The following FBXO30 variants were observed in gnomAD, a reference collection of about 807,000 sequenced individuals.
FBXO30 encodes the protein F-box protein 30.
A neutral mutation model predicts 58.1 loss-of-function variants in FBXO30; 21 were observed. The observed-to-expected ratio is 0.36, with a 90% CI of 0.26 to 0.52. The LOEUF is 0.52. Ranked by LOEUF, FBXO30 falls within the 20% of genes least tolerant of loss-of-function variation. The pLI is 0.93. For missense variants in FBXO30, 744 were observed against 897.3 expected (o/e 0.83, Z 2.18); for synonymous variants, 309 against 312.4 (o/e 0.99, Z 0.11).
rs1384131950 is a variant in FBXO30 at position 145,805,873 on chromosome 6, G to T, written c.533C>A (p.Ser178Tyr). The T allele has an allele frequency of 6.2e-7, 1 of 1,613,982 alleles. No individual in the cohort carries two copies. The highest frequency in any genetic ancestry group is 2.2e-5 in the East Asian group (1 of 44,868). Residue 178 changes from serine (S) to tyrosine (Y), a missense_variant, in exon 2 of 3, where the codon TCT (serine) becomes TAT (tyrosine). Transcript: ENST00000237281. ...ANGLVSVDEE[S>Y]YGALYQATVE... is the part of the protein sequence containing the mutation. ...AGTAGCTTGATAAAGTGCACCATAAGATTCTTCATCAACAGACACTAAACC... is the reference window on the plus strand; with the variant it reads ...AGTAGCTTGATAAAGTGCACCATAATATTCTTCATCAACAGACACTAAACC...
intron 1 of FBXO30, chr6:145,809,954 A>G (rs1220374760): frequency 6.6e-6 from 1 of 152,216 alleles, no homozygotes; most frequent in Non-Finnish European, 1.5e-5. Context: ...TGGTGATCCA[A>G]TGTTAAGATG....
Position 145,797,426 on chromosome 6 carries a change from T to C in FBXO30, c.*2680A>G, listed in dbSNP as rs1777886116. On this transcript the variant is annotated 3_prime_UTR_variant, in exon 3 of 3. Coordinates refer to ENST00000237281, the MANE Select transcript of FBXO30 (RefSeq NM_032145.5). Reference sequence around the variant, plus strand: ...TCCACTCCAGTAATGCACCAGAGGGTAGCTGGCATGACCCAGTCTTCCCTC... The same window carrying C: ...TCCACTCCAGTAATGCACCAGAGGGCAGCTGGCATGACCCAGTCTTCCCTC... The C allele has an allele frequency of 1.3e-5, 2 of 151,960 alleles. No individual in the cohort carries two copies. The highest frequency in any genetic ancestry group is 4.1e-4 in the South Asian group (2 of 4,826). 9.4% of individuals were successfully genotyped at this position (151,960 alleles called of 1,614,324 possible). A position where few individuals can be genotyped will look rare whatever the true frequency, so the allele number is the denominator to read the frequency against.
At chr6:145,814,482 C>A (rs973130393) in intron 1 of FBXO30, 121 bp downstream of exon 1, 2 of 151,928 alleles carry the variant, frequency 1.3e-5, no homozygotes, top group African/African-American at 4.8e-5. Flanking sequence ...CCCGTCAACC[C>A]CACGGCCGCC....
Position 145,793,736 on chromosome 6 carries a change from C to T in FBXO30, c.*6370G>A, listed in dbSNP as rs1005177684. 2 of 151,908 alleles carry T rather than the reference C, an allele frequency of 1.3e-5. No homozygotes were observed. The highest frequency in any genetic ancestry group is 2.9e-5 in the Non-Finnish European group (2 of 67,870). The allele number at this position is 151,908 out of a possible 1,614,324, so 9.4% of individuals were successfully genotyped here. On this transcript the variant is annotated 3_prime_UTR_variant, in exon 3 of 3. Transcript: ENST00000237281. ...TTGACACAGAAGTCAATCACTCAGT[C>T]ACAGAAGTTTTAAATATAAGGAAAT...
chr6:145,796,625 GAAAC>G lies in FBXO30; in HGVS notation c.*3477_*3480del, dbSNP rs1277554964. Reference sequence around the variant, plus strand: ...ATCACCAATGTGGCATGTCATGCATGAAACAAACACATTTTAAAATATTTGAATA... The same window carrying G: ...ATCACCAATGTGGCATGTCATGCATGAAACACATTTTAAAATATTTGAATA... On this transcript the variant is annotated 3_prime_UTR_variant, in exon 3 of 3. Transcript: ENST00000237281. The G allele has an allele frequency of 2.6e-5, 4 of 152,108 alleles. No individual in the cohort carries two copies. The highest frequency in any genetic ancestry group is 1.3e-4 in the Admixed American group (2 of 15,238). The allele number at this position is 152,108 out of a possible 1,614,324, so 9.4% of individuals were successfully genotyped here.
At chr6:145,810,681 G>C (rs1452086079) in intron 1 of FBXO30, among the ~76,000 whole-genome samples, 1 of 152,070 alleles carries the variant, frequency 6.6e-6, no homozygotes, top group African/African-American at 2.4e-5. Flanking sequence ...AATGAAATGA[G>C]ATCTTGTCAT....
At chr6:145,813,774 A>C (rs966762155) in intron 1 of FBXO30, among the ~76,000 whole-genome samples, 1 of 152,230 alleles carries the variant, frequency 6.6e-6, no homozygotes. Flanking sequence ...TAATCATGGA[A>C]TAAAAGGTCA....
chr6:145,800,972 T>C (rs6570722), intron 2 of FBXO30, among the ~76,000 whole-genome samples: 13,294 of 152,148 alleles, frequency 0.087, 1,607 homozygotes, highest in African/African-American at 0.27. Flanking sequence ...GCAAAATACT[T>C]ACCTGCCATC....
At chr6:145,813,811 G>C (rs921884159) in intron 1 of FBXO30, among the ~76,000 whole-genome samples, 20 of 152,224 alleles carry the variant, frequency 1.3e-4, no homozygotes, top group South Asian at 2.1e-4. Flanking sequence ...CTTTTATCTG[G>C]GACTTACAAC....
At chr6:145,803,114 G>A (rs1778055355) in intron 2 of FBXO30, among the ~76,000 whole-genome samples, 1 of 151,942 alleles carries the variant, frequency 6.6e-6, no homozygotes, top group Non-Finnish European at 1.5e-5. Context: ...TATAAATGAT[G>A]GCGAGTTAAA....
At chr6:145,808,088 T>C (rs930640219) in intron 1 of FBXO30, among the ~76,000 whole-genome samples, 1 of 152,064 alleles carries the variant, frequency 6.6e-6, no homozygotes, top group Non-Finnish European at 1.5e-5. Context: ...GCCATGACTG[T>C]GCACCCCTGC....
In FBXO30 at chr6:145,805,193, C is replaced by A; in HGVS notation, c.1213G>T (p.Ala405Ser). The change falls in exon 2 of 3, where the codon GCA becomes TCA. Residue 405 changes from alanine (A) to serine (S), a missense_variant. By Grantham distance (99) the Ala-to-Ser change is moderately conservative. Transcript: ENST00000237281. ...ACTTCCAAATCTGATGTATCTACTG[C>A]TTTATCTTCCTTTGGTTTAGACCAA... The part of the protein sequence containing the change: ...SCWSKPKEDK[A>S]VDTSDLEVAE... 1.2e-6 allele frequency: 2 copies of A among 1,614,070 alleles called. No homozygotes were observed. The highest frequency in any genetic ancestry group is 1.7e-6 in the Non-Finnish European group (2 of 1,179,966).
rs1777878689 is a variant in FBXO30, at chr6:145,797,000, A to G, written c.*3106T>C. ...TCCAATCTTTCATAACATCTTATTGATAGGGTTGAAAAGATCCCTAAAAAT... is the reference window on the plus strand; with the variant it reads ...TCCAATCTTTCATAACATCTTATTGGTAGGGTTGAAAAGATCCCTAAAAAT... On this transcript the variant is annotated 3_prime_UTR_variant, in exon 3 of 3. Transcript: ENST00000237281. The G allele has an allele frequency of 1.3e-5, 2 of 151,864 alleles. No individual in the cohort carries two copies. Among genetic ancestry groups the G allele is most frequent in the South Asian group, 2.1e-4 (1 of 4,814 alleles). The allele number at this position is 151,864 out of a possible 1,614,324, so 9.4% of individuals were successfully genotyped here. A position where few individuals can be genotyped will look rare whatever the true frequency, so the allele number is the denominator to read the frequency against.
At chr6:145,809,910 A>G (rs1778287981) in intron 1 of FBXO30, 1 of 152,156 alleles carries the variant, frequency 6.6e-6, no homozygotes, top group African/African-American at 2.4e-5. Context: ...TTTACTTATA[A>G]AAGTTTAAAA....
At chr6:145,807,449 C>T (rs565676974) in intron 1 of FBXO30, among the ~76,000 whole-genome samples, 1 of 152,160 alleles carries the variant, frequency 6.6e-6, no homozygotes. Context: ...CCTCAAGTTC[C>T]CTAGTATTGT....
chr6:145,806,727 G>T (rs1778182497), intron 1 of FBXO30, among the ~76,000 whole-genome samples: 1 of 152,008 alleles, frequency 6.6e-6, no homozygotes, highest in Non-Finnish European at 1.5e-5. Flanking sequence ...CTAATACTGT[G>T]TATTATTTAA....
chr6:145,803,970 C>A (rs1057199374), intron 2 of FBXO30, among the ~76,000 whole-genome samples: 1 of 152,090 alleles, frequency 6.6e-6, no homozygotes, highest in Non-Finnish European at 1.5e-5. Context: ...AACAAAATTG[C>A]CATAGAATGG....
chr6:145,806,400 C>T lies in FBXO30; in HGVS notation c.6G>A (p.Glu2=), dbSNP rs773725845. The T allele has an allele frequency of 6.2e-6, 10 of 1,613,014 alleles. No homozygotes were observed. In the East Asian group the frequency reaches 1.6e-4, roughly 25 times the overall value. Reference sequence around the variant, plus strand: ...CACAATGGGAATGCTGCAGCTCCTCCTCCATAATGGCCAGTCCAGCTCTGG... The same window carrying T: ...CACAATGGGAATGCTGCAGCTCCTCTTCCATAATGGCCAGTCCAGCTCTGG... M[E]EELQHSHCVN... Residue 2 remains glutamate (E), a synonymous_variant, in exon 2 of 3, where the codon GAG becomes GAA. Coordinates refer to ENST00000237281, the MANE Select transcript of FBXO30 (RefSeq NM_032145.5).
rs566543663 is a variant in FBXO30 at position 145,803,217 on chromosome 6, A to G, written c.2034+1155T>C. The stretch of plus-strand genomic sequence containing the variant: ...GTCAATACTAGTAGGCAAAGATAAA[A>G]AGAGGCCATACTAAGACTGTCCCAT... On this transcript the variant is annotated intron_variant, in intron 2 of 2. Transcript: ENST00000237281. 2.6e-5 allele frequency among the ~76,000 whole-genome samples: 4 copies of G among 152,238 alleles called. No homozygotes were observed. In the South Asian group the frequency reaches 8.3e-4, roughly 32 times the overall value.
Sources: gnomAD v4.1 joint callset for allele counts (sites outside exome capture counted in the v4.1 genomes callset) on GRCh38, gnomAD v4.1.1 for gene constraint, MANE v1.5 for transcripts, NCBI Gene and HGNC (gene_info 2026-07-23, HGNC 2026-07-21) for gene names.